Variants in RNF115 observed in about 807,000 individuals in gnomAD.
RNF115 encodes E3 ubiquitin-protein ligase RNF115.
Under a neutral mutation model 39.2 loss-of-function variants are expected in RNF115, and 31 were observed. The observed-to-expected ratio is 0.79, with a 90% CI of 0.59 to 1.07. The LOEUF (loss-of-function observed/expected upper bound fraction) is 1.07. RNF115 is among the 50% of genes least tolerant of loss of function. The probability of loss-of-function intolerance (pLI) is 0.00; values close to 1 mark genes in which losing one functional copy is unlikely to be tolerated. For synonymous variants in RNF115, 124 were observed against 131.0 expected (o/e 0.95, Z 0.37); for missense variants, 384 against 381.7 (o/e 1.01, Z -0.05).
intron 1 of RNF115, among the ~76,000 whole-genome samples, chr1:145,803,727 A>G (rs1422233692): frequency 6.6e-6 from 1 of 152,206 alleles, no homozygotes; most frequent in Non-Finnish European, 1.5e-5. Flanking sequence ...CCATGATTGA[A>G]CACTGACATT....
intron 4 of RNF115, among the ~76,000 whole-genome samples, chr1:145,768,238 T>A (rs1647468267): frequency 6.6e-6 from 1 of 152,236 alleles, no homozygotes; most frequent in South Asian, 2.1e-4. Flanking sequence ...CTTGGAGGCC[T>A]CCAGGCCAGC....
intron 8 of RNF115, among the ~76,000 whole-genome samples, chr1:145,747,668 A>G (rs977984344): frequency 5.9e-5 from 9 of 152,128 alleles, no homozygotes. Flanking sequence ...GGGACAGAAA[A>G]TAAGTATTTT....
chr1:145,784,492 C>T (rs1553717864), intron 3 of RNF115, 47 bp downstream of exon 3: 1 of 1,528,696 alleles, frequency 6.5e-7, no homozygotes, highest in East Asian at 2.3e-5. Context: ...ATGATTTTAA[C>T]ACCTAACCAC....
chr1:145,804,532 C>T (rs1202455884), intron 1 of RNF115, among the ~76,000 whole-genome samples: 1 of 127,048 alleles, frequency 7.9e-6, no homozygotes, highest in African/African-American at 2.7e-5. Context: ...CACACACACA[C>T]AATCAGACTG....
At chr1:145,812,784 C>G (rs1447129342) in intron 1 of RNF115, among the ~76,000 whole-genome samples, 5 of 151,968 alleles carry the variant, frequency 3.3e-5, no homozygotes, top group Non-Finnish European at 7.4e-5. Flanking sequence ...TCACTTCTAT[C>G]TTTTTTTAAT....
chr1:145,818,006 T>C (rs1206590918), intron 1 of RNF115, among the ~76,000 whole-genome samples: 3 of 146,860 alleles, frequency 2.0e-5, no homozygotes, highest in Non-Finnish European at 4.5e-5. Flanking sequence ...CCACCACTGA[T>C]GGGCATCTAG....
chr1:145,759,014 C>G (rs1466788579), intron 4 of RNF115, among the ~76,000 whole-genome samples: 6 of 152,206 alleles, frequency 3.9e-5, no homozygotes, highest in Non-Finnish European at 8.8e-5. Context: ...CCCACTGGGT[C>G]TGGAAGGGAA....
chr1:145,777,559 G>A (rs1647941166), intron 3 of RNF115, among the ~76,000 whole-genome samples: 1 of 151,824 alleles, frequency 6.6e-6, no homozygotes, highest in Admixed American at 6.6e-5. Context: ...CAGCACTAAG[G>A]ATAAAAATAG....
chr1:145,767,549 C>A (rs1553715164), intron 4 of RNF115, among the ~76,000 whole-genome samples: 1 of 152,210 alleles, frequency 6.6e-6, no homozygotes, highest in Non-Finnish European at 1.5e-5. Flanking sequence ...GGCAGAGACG[C>A]TCCTCACTTC....
At chr1:145,772,059 AT>A (rs1647669830) in intron 3 of RNF115, 140 bp from the exon 4 acceptor site, 4 of 701,690 alleles carry the variant, frequency 5.7e-6, no homozygotes, top group Admixed American at 6.0e-5. Context: ...GAGTTTCTAT[AT>A]TTTTGGTCTG....
intron 1 of RNF115, among the ~76,000 whole-genome samples, chr1:145,807,948 C>T (rs1553721848): frequency 6.6e-6 from 1 of 152,144 alleles, no homozygotes; most frequent in Non-Finnish European, 1.5e-5. Flanking sequence ...CAATATTTGT[C>T]TTTCTGTGCC....
intron 4 of RNF115, among the ~76,000 whole-genome samples, chr1:145,753,369 G>A (rs1553712768): frequency 6.6e-6 from 1 of 152,126 alleles, no homozygotes; most frequent in Admixed American, 6.5e-5. Context: ...GGTTAAAAGG[G>A]ATGCCGAGCC....
intron 1 of RNF115, among the ~76,000 whole-genome samples, chr1:145,815,033 T>C (rs1362545026): frequency 6.6e-6 from 1 of 152,274 alleles, no homozygotes; most frequent in Non-Finnish European, 1.5e-5. Flanking sequence ...CTCTGGGACC[T>C]TTCTAAGAAT....
At position 145,741,035 on chromosome 1, in the gene RNF115, A is replaced by AT. The variant is rs1162624814; in HGVS notation, c.*5830dup. On this transcript the variant is annotated 3_prime_UTR_variant, in exon 9 of 9. Coordinates refer to ENST00000582693, the MANE Select transcript of RNF115 (RefSeq NM_014455.4). ...GTATTTTTAGTAGACATGGTGTTTTATTGTGCTGCCCAGGCTGGTCTCAAA... is the reference window on the plus strand; with the variant it reads ...GTATTTTTAGTAGACATGGTGTTTTATTTGTGCTGCCCAGGCTGGTCTCAAA... 2.0e-5 allele frequency: 3 copies of AT among 152,152 alleles called. No individual in the cohort carries two copies. The East Asian group carries it at 5.8e-4, about 29-fold the overall frequency. The allele number at this position is 152,152 out of a possible 1,614,324, so 9.4% of individuals were successfully genotyped here. A position where few individuals can be genotyped will look rare whatever the true frequency, so the allele number is the denominator to read the frequency against.
chr1:145,808,377 C>T (rs1486620845), intron 1 of RNF115, among the ~76,000 whole-genome samples: 3 of 152,012 alleles, frequency 2.0e-5, no homozygotes, highest in African/African-American at 7.2e-5. Flanking sequence ...TAATAATGGC[C>T]ATTCTAACTG....
In RNF115 at chr1:145,741,203, G is replaced by C. The variant is rs1252746588; in HGVS notation, c.*5663C>G. 1 of 152,150 alleles carries C rather than the reference G, an allele frequency of 6.6e-6. No individual in the cohort carries two copies. Among genetic ancestry groups the C allele is most frequent in the East Asian group, 1.9e-4 (1 of 5,198 alleles). The allele number at this position is 152,150 out of a possible 1,614,324, so 9.4% of individuals were successfully genotyped here. ...TATTAGAAAAAGTAAAGAATCACAG[G>C]CTTACATCCTATGATCACAGATCTA... On this transcript the variant is annotated 3_prime_UTR_variant, in exon 9 of 9. Transcript: ENST00000582693.
At chr1:145,758,886 A>G (rs1314475029) in intron 4 of RNF115, among the ~76,000 whole-genome samples, 1 of 152,174 alleles carries the variant, frequency 6.6e-6, no homozygotes, top group Non-Finnish European at 1.5e-5. Context: ...TTTACAATGA[A>G]TTTTGTTTAT....
chr1:145,813,444 G>A (rs1649823271), intron 1 of RNF115, among the ~76,000 whole-genome samples: 1 of 152,074 alleles, frequency 6.6e-6, no homozygotes, highest in African/African-American at 2.4e-5. Context: ...GGGATTTCCA[G>A]CTGTCTTACT....
intron 1 of RNF115, among the ~76,000 whole-genome samples, chr1:145,790,096 T>C (rs1165785885): frequency 3.9e-5 from 6 of 152,300 alleles, no homozygotes; most frequent in East Asian, 3.9e-4. Flanking sequence ...CACTGACAGC[T>C]GAAAGGTAGA....
Sources: allele counts gnomAD v4.1 joint callset (sites outside exome capture counted in the v4.1 genomes callset), GRCh38; gene constraint gnomAD v4.1.1; transcripts MANE v1.5; gene names NCBI Gene and HGNC (gene_info 2026-07-23, HGNC 2026-07-21).